VPS16: variants seen among roughly 807,000 people sequenced by gnomAD.
The protein encoded by VPS16 is VPS16 core subunit of CORVET and HOPS complexes.
VPS16 carries 82 observed loss-of-function variants against 116.0 expected under a neutral mutation model. The observed-to-expected ratio is 0.71, with a 90% confidence interval of 0.59 to 0.85. The LOEUF (loss-of-function observed/expected upper bound fraction) is 0.85, where lower values mean the gene tolerates loss of function less well. VPS16 is among the 40% of genes least tolerant of loss of function. The pLI is 0.00. For missense variants in VPS16, 928 were observed against 1,090.6 expected (o/e 0.85, Z 2.10); for synonymous variants, 406 against 420.7 (o/e 0.96, Z 0.43).
chr20:2,860,628 AC>A lies in VPS16; in HGVS notation c.514+38del, dbSNP rs568795262. ...GACACCGCTGAGATAGCCAAGCAGTACCCACAGATGTGCCTCTAGCCTGTGA... is the reference window on the plus strand; with the variant it reads ...GACACCGCTGAGATAGCCAAGCAGTACCACAGATGTGCCTCTAGCCTGTGA... On this transcript the variant is annotated intron_variant, in intron 5 of 23. Transcript: ENST00000380445. The surrounding 1 kb of genome is among the most constrained non-coding windows in gnomAD (Gnocchi z 6.1). 109 of 1,612,378 alleles carry A rather than the reference AC, an allele frequency of 6.8e-5. No homozygotes were observed. In the South Asian group the frequency reaches 1.1e-3, roughly 16 times the overall value.
chr20:2,849,317 T>TTTTG (rs2089093097), intron 1 of VPS16, among the ~76,000 whole-genome samples: 2 of 151,260 alleles, frequency 1.3e-5, no homozygotes, highest in Non-Finnish European at 2.9e-5. Flanking sequence ...TTTTTTTTTT[T>TTTTG]GAGGCGGAGT....
chr20:2,863,036 A>G lies in VPS16; in HGVS notation c.1332-29A>G. 2 of 1,614,098 alleles carry G rather than the reference A, an allele frequency of 1.2e-6. No individual in the cohort carries two copies. Among genetic ancestry groups the G allele is most frequent in the African/African-American group, 1.3e-5 (1 of 75,024 alleles). ...ACCTGGCAAGCGGGGCTTATTCTCC[A>G]ACTGGATCCTTAACCGAGGAAAATA... On this transcript the variant is annotated intron_variant, in intron 13 of 23. Transcript: ENST00000380445. This position sits in a 1 kb window ranked among gnomAD's most constrained non-coding sequence, Gnocchi z 4.4.
chr20:2,850,936 A>G (rs1236264443), intron 1 of VPS16, among the ~76,000 whole-genome samples: 1 of 148,538 alleles, frequency 6.7e-6, no homozygotes, highest in Non-Finnish European at 1.5e-5. Context: ...ACACCACTGC[A>G]CTGTAGCTGG....
At chr20:2,842,832 A>G (rs1021620814) in intron 1 of VPS16, among the ~76,000 whole-genome samples, 2 of 138,462 alleles carry the variant, frequency 1.4e-5, no homozygotes, top group African/African-American at 5.7e-5. Context: ...ATAGACATAT[A>G]GATGTATCTA....
chr20:2,862,167 T>C (rs2089235573), intron 11 of VPS16, 37 bp downstream of exon 11: 1 of 1,600,344 alleles, frequency 6.2e-7, no homozygotes, highest in Admixed American at 1.7e-5. Flanking sequence ...CCCAGAATGG[T>C]TCCTCCTGCC....
chr20:2,863,038 C>G lies in VPS16; in HGVS notation c.1332-27C>G, dbSNP rs1485911984. On this transcript the variant is annotated intron_variant, in intron 13 of 23. Coordinates refer to ENST00000380445, the MANE Select transcript of VPS16 (RefSeq NM_022575.4). This position sits in a 1 kb window ranked among gnomAD's most constrained non-coding sequence, Gnocchi z 4.4. ...CTGGCAAGCGGGGCTTATTCTCCAA[C>G]TGGATCCTTAACCGAGGAAAATACA... The G allele has an allele frequency of 1.2e-6, 2 of 1,614,138 alleles. No homozygotes were observed. The highest frequency in any genetic ancestry group is 3.3e-5 in the Admixed American group (2 of 60,034).
rs2089214627 is a variant in VPS16, at chr20:2,860,428, C to T, written c.370-21C>T. ...GTTTATGACCCTGTGGCTCCCTTAA[C>T]CCATGGCCCCCTTTCCTCAGGAAGT... On this transcript the variant is annotated intron_variant, in intron 4 of 23. Transcript: ENST00000380445. This position sits in a 1 kb window ranked among gnomAD's most constrained non-coding sequence, Gnocchi z 6.1. 6.2e-7 allele frequency: 1 copy of T among 1,614,002 alleles called. No individual in the cohort carries two copies. Among genetic ancestry groups the T allele is most frequent in the South Asian group, 1.1e-5 (1 of 91,074 alleles).
chr20:2,842,877 G>C (rs1451711948), intron 1 of VPS16, among the ~76,000 whole-genome samples: 86 of 148,738 alleles, frequency 5.8e-4, no homozygotes, highest in Admixed American at 1.4e-3. Flanking sequence ...TAGATAGATA[G>C]ATGTATCTAT....
intron 1 of VPS16, among the ~76,000 whole-genome samples, chr20:2,855,547 CT>C (rs2089164762): frequency 3.3e-5 from 5 of 152,180 alleles, no homozygotes; most frequent in Non-Finnish European, 7.3e-5. Flanking sequence ...CAGGTGTTGA[CT>C]TCTTTCTAGC....
intron 2 of VPS16, 63 bp downstream of exon 2, chr20:2,859,870 C>G (rs932710684): frequency 8.4e-6 from 13 of 1,544,024 alleles, no homozygotes; most frequent in African/African-American, 1.4e-5. Flanking sequence ...GTCCTTGATT[C>G]CTGGGGCCCT....
Position 2,866,524 on chromosome 20 carries a change from G to T in VPS16, c.2470G>T (p.Ala824Ser). 1 of 1,614,188 alleles carries T rather than the reference G, an allele frequency of 6.2e-7. No individual in the cohort carries two copies. Among genetic ancestry groups the T allele is most frequent in the Non-Finnish European group, 8.5e-7 (1 of 1,180,032 alleles). Residue 824 changes from alanine (A) to serine (S), a missense_variant, in exon 24 of 24, where the codon GCC (alanine) becomes TCC (serine). Coordinates refer to ENST00000380445, the MANE Select transcript of VPS16 (RefSeq NM_022575.4). ...CCACTGCACGGGAGCCACAGATGGG[G>T]CCACAGCTGACAAGATTCAACGGGC... ...LSHCTGATDG[A>S]TADKIQRARA...
At chr20:2,849,457 C>T (rs901023902) in intron 1 of VPS16, among the ~76,000 whole-genome samples, 1 of 152,078 alleles carries the variant, frequency 6.6e-6, no homozygotes, top group Non-Finnish European at 1.5e-5. Flanking sequence ...TGCGCCACCA[C>T]GCCCAGCTAA....
chr20:2,849,596 G>A (rs1377173914), intron 1 of VPS16, among the ~76,000 whole-genome samples: 3 of 150,330 alleles, frequency 2.0e-5, no homozygotes, highest in African/African-American at 7.4e-5. Context: ...ACTGCACCCG[G>A]TTGAAATAAG....
chr20:2,862,419 T>G, intron 11 of VPS16, 160 bp from the exon 12 acceptor site: 2 of 1,392,992 alleles, frequency 1.4e-6, no homozygotes, highest in South Asian at 1.5e-5. Context: ...ATGATGTCTG[T>G]GGGCACCTCA....
Position 2,863,844 on chromosome 20 carries a change from G to C in VPS16, c.1477-105G>C, listed in dbSNP as rs1407329556. ...AAGAGAGAAAGAAAGAAAGAAGAAGGAAGGGAGGGAGGAAGGGAACTGAAG... is the reference window on the plus strand; with the variant it reads ...AAGAGAGAAAGAAAGAAAGAAGAAGCAAGGGAGGGAGGAAGGGAACTGAAG... On this transcript the variant is annotated intron_variant, in intron 15 of 23. Transcript: ENST00000380445. This position sits in a 1 kb window ranked among gnomAD's most constrained non-coding sequence, Gnocchi z 4.4. 1.9e-5 allele frequency: 28 copies of C among 1,446,394 alleles called. No homozygotes were observed. In the Middle Eastern group the frequency reaches 9.0e-4, roughly 47 times the overall value. The allele number at this position is 1,446,394 out of a possible 1,614,324, so 89.6% of individuals were successfully genotyped here. A position where few individuals can be genotyped will look rare whatever the true frequency, so the allele number is the denominator to read the frequency against.
At chr20:2,861,360 A>G in intron 8 of VPS16, 80 bp downstream of exon 8, 1 of 1,599,620 alleles carries the variant, frequency 6.3e-7, no homozygotes, top group South Asian at 1.1e-5. Flanking sequence ...TTGATTCGTC[A>G]TGTCTACTGG....
chr20:2,850,278 C>T (rs575286464), intron 1 of VPS16, among the ~76,000 whole-genome samples: 19 of 152,062 alleles, frequency 1.2e-4, no homozygotes, highest in East Asian at 1.9e-4. Context: ...GAGCCCAGAT[C>T]GTGCCACTGC....
chr20:2,855,225 T>C (rs566118368), intron 1 of VPS16, among the ~76,000 whole-genome samples: 4 of 152,096 alleles, frequency 2.6e-5, no homozygotes, highest in African/African-American at 4.8e-5. Context: ...TCCAAAGTGC[T>C]GGGATTACAG....
intron 8 of VPS16, among the ~76,000 whole-genome samples, 162 bp downstream of exon 8, chr20:2,861,442 G>A (rs2089226570): frequency 6.6e-6 from 1 of 152,170 alleles, no homozygotes; most frequent in Non-Finnish European, 1.5e-5. Flanking sequence ...GTCCTCTGTG[G>A]GCCACAGCTG....
Sources: allele counts gnomAD v4.1 joint callset (sites outside exome capture counted in the v4.1 genomes callset), GRCh38; gene constraint gnomAD v4.1.1; non-coding constraint Gnocchi (gnomAD v3.1); transcripts MANE v1.5; gene names NCBI Gene and HGNC (gene_info 2026-07-23, HGNC 2026-07-21).